Variants in RIN3 observed in about 807,000 individuals in gnomAD.
RIN3 encodes the protein Ras and Rab interactor 3, also known as RAB5 interacting protein 3.
In RIN3, 54 loss-of-function variants were observed where a neutral mutation model predicts 76.3. The observed-to-expected ratio is 0.71, with a 90% CI of 0.57 to 0.89. The LOEUF is 0.89. Ranked by LOEUF, RIN3 falls within the 40% of genes least tolerant of loss-of-function variation. The pLI, the probability that RIN3 is intolerant of heterozygous loss-of-function variation, is 0.00. For missense variants in RIN3, 1,256 were observed against 1,322.1 expected, an observed-to-expected ratio of 0.95 and a Z score of 0.78; for synonymous variants, 576 against 564.0, an observed-to-expected ratio of 1.02 and a Z score of -0.30.
At chr14:92,655,645 T>C (rs1395113522) in intron 6 of RIN3, among the ~76,000 whole-genome samples, 2 of 152,254 alleles carry the variant, frequency 1.3e-5, no homozygotes, top group Non-Finnish European at 2.9e-5. Context: ...GTGAGGCTAC[T>C]GTCAGAGCCA....
At chr14:92,567,773 C>A (rs1461926494) in intron 2 of RIN3, among the ~76,000 whole-genome samples, 1 of 145,984 alleles carries the variant, frequency 6.9e-6, no homozygotes, top group South Asian at 2.1e-4. Flanking sequence ...CTCTTTGAGT[C>A]CTTTGTCCTG....
chr14:92,670,445 A>G (rs1888250773), intron 7 of RIN3, among the ~76,000 whole-genome samples: 1 of 152,024 alleles, frequency 6.6e-6, no homozygotes. Context: ...TCCCAGTGGC[A>G]CTTCCTGAGG....
intron 3 of RIN3, among the ~76,000 whole-genome samples, chr14:92,581,471 C>T (rs1245374536): frequency 6.6e-6 from 1 of 152,200 alleles, no homozygotes; most frequent in Non-Finnish European, 1.5e-5. Flanking sequence ...TCAGCCAGTG[C>T]TCTAGGAGCC....
chr14:92,541,341 C>G (rs988936659), intron 1 of RIN3, among the ~76,000 whole-genome samples: 6 of 152,194 alleles, frequency 3.9e-5, no homozygotes, highest in Non-Finnish European at 8.8e-5. Flanking sequence ...AGTAGAGTAT[C>G]TAGCTGTAGA....
At chr14:92,645,327 T>C (rs1413615970) in intron 5 of RIN3, 1 of 152,244 alleles carries the variant, frequency 6.6e-6, no homozygotes, top group African/African-American at 2.4e-5. Context: ...CATTGCCACA[T>C]GCCCACACAT....
intron 2 of RIN3, among the ~76,000 whole-genome samples, chr14:92,561,574 C>G (rs763622880): frequency 6.6e-6 from 1 of 152,116 alleles, no homozygotes; most frequent in Non-Finnish European, 1.5e-5. Context: ...ATACTCCACA[C>G]CAGTTTCCCC....
rs1189448535 is a variant in RIN3, at chr14:92,648,032, G to A, written c.533-3550G>A. ...AACCACTAGGATTGCATGACACAGG[G>A]TTCTGTTTCTCCCCTGGCCTTGGCG... On this transcript the variant is annotated intron_variant, in intron 5 of 9. Transcript: ENST00000216487. This position sits in a 1 kb window ranked among gnomAD's most constrained non-coding sequence, Gnocchi z 4.1. 6.6e-6 allele frequency among the ~76,000 whole-genome samples: 1 copy of A among 151,434 alleles called. No individual in the cohort carries two copies. The highest frequency in any genetic ancestry group is 2.4e-5 in the African/African-American group (1 of 41,150).
At chr14:92,526,169 C>T (rs1189554054) in intron 1 of RIN3, among the ~76,000 whole-genome samples, 1 of 152,128 alleles carries the variant, frequency 6.6e-6, no homozygotes, top group African/African-American at 2.4e-5. Context: ...AAAAACTGAG[C>T]TATTGCCCGG....
intron 2 of RIN3, among the ~76,000 whole-genome samples, chr14:92,566,575 A>G (rs1054287188): frequency 7.9e-5 from 12 of 152,230 alleles, no homozygotes; most frequent in African/African-American, 2.9e-4. Context: ...CGCCAGAGCC[A>G]GAATCAGGGT....
At chr14:92,602,387 T>G (rs1362370294) in intron 3 of RIN3, among the ~76,000 whole-genome samples, 1 of 152,182 alleles carries the variant, frequency 6.6e-6, no homozygotes. Context: ...ACACGCCGAT[T>G]GCATTCCTGT....
chr14:92,581,434 G>A (rs1315108435), intron 3 of RIN3, among the ~76,000 whole-genome samples: 1 of 152,214 alleles, frequency 6.6e-6, no homozygotes, highest in African/African-American at 2.4e-5. Context: ...AGTAGCTGAG[G>A]TTGGAGGTTA....
chr14:92,527,148 T>C (rs188783689), intron 1 of RIN3, among the ~76,000 whole-genome samples: 4 of 151,544 alleles, frequency 2.6e-5, no homozygotes, highest in Non-Finnish European at 5.9e-5. Flanking sequence ...CCTCCTGGGT[T>C]CACGCCATTC....
At chr14:92,683,377 G>A (rs930220526) in intron 8 of RIN3, among the ~76,000 whole-genome samples, 3 of 152,042 alleles carry the variant, frequency 2.0e-5, no homozygotes, top group African/African-American at 7.3e-5. Context: ...TCTGGGACTC[G>A]GTTTTCTCTC....
intron 3 of RIN3, among the ~76,000 whole-genome samples, chr14:92,613,124 T>C (rs547311741): frequency 9.2e-5 from 14 of 152,230 alleles, no homozygotes; most frequent in Non-Finnish European, 1.5e-4. Flanking sequence ...ACTAACCCAC[T>C]CCAGGCATTC....
chr14:92,575,781 G>C (rs1178151586), intron 2 of RIN3, among the ~76,000 whole-genome samples: 2 of 152,150 alleles, frequency 1.3e-5, no homozygotes, highest in Non-Finnish European at 2.9e-5. Context: ...GTCCTGTTTT[G>C]TCAGCAGGGT....
At chr14:92,678,389 C>T (rs1888549119) in intron 8 of RIN3, among the ~76,000 whole-genome samples, 2 of 151,606 alleles carry the variant, frequency 1.3e-5, no homozygotes, top group African/African-American at 4.8e-5. Flanking sequence ...TATTCACTCA[C>T]CCACCAATCC....
intron 1 of RIN3, among the ~76,000 whole-genome samples, chr14:92,520,440 C>T (rs185372080): frequency 6.6e-6 from 1 of 152,320 alleles, no homozygotes; most frequent in East Asian, 1.9e-4. Context: ...AGAGGATACT[C>T]CCCTGTGAAG....
At chr14:92,642,351 C>T (rs1225379797) in intron 5 of RIN3, among the ~76,000 whole-genome samples, 1 of 152,118 alleles carries the variant, frequency 6.6e-6, no homozygotes, top group Admixed American at 6.5e-5. Context: ...CCCACCTTGG[C>T]TTCCCAAAGT....
At chr14:92,543,058 A>T (rs1042852301) in intron 1 of RIN3, among the ~76,000 whole-genome samples, 3 of 152,196 alleles carry the variant, frequency 2.0e-5, no homozygotes, top group Non-Finnish European at 4.4e-5. Context: ...AAACCACTGA[A>T]TTGGATTATT....
Sources: allele counts gnomAD v4.1 joint callset (sites outside exome capture counted in the v4.1 genomes callset), GRCh38; gene constraint gnomAD v4.1.1; non-coding constraint Gnocchi (gnomAD v3.1); transcripts MANE v1.5; gene names NCBI Gene and HGNC (gene_info 2026-07-23, HGNC 2026-07-21).